NR3C2: variants seen among roughly 807,000 people sequenced by gnomAD.
The protein encoded by NR3C2 is mineralocorticoid receptor.
Under a neutral mutation model 86.4 loss-of-function variants are expected in NR3C2, and 15 were observed. The observed-to-expected ratio is 0.17, with a 90% CI of 0.12 to 0.27. NR3C2 has a LOEUF of 0.27. NR3C2 is among the 10% of genes least tolerant of loss of function. The probability of loss-of-function intolerance (pLI) is 1.00; values close to 1 mark genes in which losing one functional copy is unlikely to be tolerated. For missense variants in NR3C2, 960 were observed against 1,195.6 expected, an observed-to-expected ratio of 0.80 and a Z score of 2.91; for synonymous variants, 458 against 450.5, an observed-to-expected ratio of 1.02 and a Z score of -0.21.
upstream of NR3C2, chr4:148,442,830 C>T: frequency 1.0e-6 from 1 of 985,432 alleles, no homozygotes; most frequent in Non-Finnish European, 1.2e-6. Flanking sequence ...AACTTGCTTA[C>T]GTCCACCCTG....
chr4:148,301,637 G>T (rs1024957973), intron 2 of NR3C2, among the ~76,000 whole-genome samples: 2 of 152,160 alleles, frequency 1.3e-5, no homozygotes, highest in African/African-American at 4.8e-5. Flanking sequence ...GTTATAAAAG[G>T]TGTTTTGCTT....
intron 2 of NR3C2, among the ~76,000 whole-genome samples, chr4:148,376,780 CTAAA>C (rs1029467506): frequency 6.6e-6 from 1 of 151,976 alleles, no homozygotes; most frequent in Non-Finnish European, 1.5e-5. Context: ...TAAAAATAGA[CTAAA>C]TAACAGAAAA....
At chr4:148,306,107 G>A (rs1181027057) in intron 2 of NR3C2, among the ~76,000 whole-genome samples, 5 of 152,168 alleles carry the variant, frequency 3.3e-5, no homozygotes, top group Non-Finnish European at 7.4e-5. Flanking sequence ...TTTAAGACAT[G>A]TTTTCACAAA....
chr4:148,082,929 T>C (rs1578861558), intron 8 of NR3C2, among the ~76,000 whole-genome samples: 1 of 151,600 alleles, frequency 6.6e-6, no homozygotes, highest in African/African-American at 2.4e-5. Flanking sequence ...GAGTAGGCGG[T>C]TTTGCCCTCC....
intron 6 of NR3C2, among the ~76,000 whole-genome samples, chr4:148,129,351 A>G (rs1732909097): frequency 6.6e-6 from 1 of 152,208 alleles, no homozygotes; most frequent in Non-Finnish European, 1.5e-5. Context: ...AACGGTGGTT[A>G]CCAGGGGCTG....
At chr4:148,140,242 C>T (rs888176820) in intron 6 of NR3C2, among the ~76,000 whole-genome samples, 1 of 152,238 alleles carries the variant, frequency 6.6e-6, no homozygotes. Context: ...TGGTGTCTCA[C>T]ACCTGTAAAC....
At chr4:148,242,034 G>A (rs1739076410) in intron 3 of NR3C2, among the ~76,000 whole-genome samples, 1 of 152,134 alleles carries the variant, frequency 6.6e-6, no homozygotes, top group Admixed American at 6.6e-5. Context: ...GCATGACAGG[G>A]GCTGGGGGGA....
At chr4:148,168,846 G>GT (rs1460581331) in intron 4 of NR3C2, among the ~76,000 whole-genome samples, 1 of 152,176 alleles carries the variant, frequency 6.6e-6, no homozygotes, top group Non-Finnish European at 1.5e-5. Flanking sequence ...TAGCCAGTGA[G>GT]TTGTCTTACC....
At chr4:148,261,777 T>G (rs1740135660) in intron 2 of NR3C2, among the ~76,000 whole-genome samples, 1 of 152,138 alleles carries the variant, frequency 6.6e-6, no homozygotes, top group African/African-American at 2.4e-5. Flanking sequence ...TATGTTACAG[T>G]GAAGATTTAT....
intron 2 of NR3C2, among the ~76,000 whole-genome samples, chr4:148,278,888 C>T (rs62332043): frequency 6.6e-6 from 1 of 151,228 alleles, no homozygotes; most frequent in Admixed American, 6.6e-5. Context: ...AGTGGCTGGG[C>T]ATGGTGGCTC....
At chr4:148,441,493 T>G (rs1323011005) in intron 1 of NR3C2, among the ~76,000 whole-genome samples, 2 of 152,222 alleles carry the variant, frequency 1.3e-5, no homozygotes, top group African/African-American at 4.8e-5. Flanking sequence ...AATAAATAAT[T>G]AAAACTGATG....
chr4:148,244,551 C>G (rs748945741), intron 3 of NR3C2, among the ~76,000 whole-genome samples: 2 of 152,076 alleles, frequency 1.3e-5, no homozygotes, highest in East Asian at 3.9e-4. Flanking sequence ...TGCATAAATA[C>G]GACTGTGCAT....
intron 8 of NR3C2, among the ~76,000 whole-genome samples, chr4:148,100,316 C>T (rs1014586500): frequency 6.6e-6 from 1 of 151,972 alleles, no homozygotes. Context: ...AAAATATTTG[C>T]AAATCATAGA....
At chr4:148,245,122 C>G (rs186696841) in intron 3 of NR3C2, among the ~76,000 whole-genome samples, 1 of 152,152 alleles carries the variant, frequency 6.6e-6, no homozygotes, top group African/African-American at 2.4e-5. Context: ...ATTTTATATA[C>G]TATTTCATCA....
intron 3 of NR3C2, among the ~76,000 whole-genome samples, chr4:148,251,532 C>A (rs1316750835): frequency 6.6e-6 from 1 of 152,140 alleles, no homozygotes; most frequent in African/African-American, 2.4e-5. Context: ...GAGCAGACAT[C>A]AAAGAGCTGG....
rs1345102281 is a variant in NR3C2, at chr4:148,136,073, AAAAC to A, written c.2511-15789_2511-15786del. On this transcript the variant is annotated intron_variant, in intron 6 of 8. Coordinates refer to ENST00000358102, the MANE Select transcript of NR3C2 (RefSeq NM_000901.5). ...CTCCGTCTCAAAAAAAAAAAAAAAA[AAAAC>A]AAAAAAAAAAAACACCACCAAAACC... Among the ~76,000 whole-genome samples the A allele has an allele frequency of 7.5e-3, 344 of 45,792 alleles. 26 individuals are homozygous for A. Among genetic ancestry groups the A allele is most frequent in the African/African-American group, 0.016 (328 of 19,980 alleles). 30.0% of individuals were successfully genotyped at this position (45,792 alleles called of 152,430 possible). A position where few individuals can be genotyped will look rare whatever the true frequency, so the allele number is the denominator to read the frequency against.
rs983978627 is a variant in NR3C2, at chr4:148,170,661, A to T, written c.2015-15760T>A. On this transcript the variant is annotated intron_variant, in intron 4 of 8. Transcript: ENST00000358102. ...CACTTCCTACCCCCATGCTTTATAG[A>T]TGGGTGAATTCTATAAAAATATTCC... is the stretch of plus-strand genomic sequence containing the variant. Among the ~76,000 whole-genome samples, 8 of 152,304 alleles carry T rather than the reference A, an allele frequency of 5.3e-5. No homozygotes were observed. The South Asian group carries it at 6.2e-4, about 12-fold the overall frequency.
At chr4:148,347,818 C>T (rs1308623422) in intron 2 of NR3C2, among the ~76,000 whole-genome samples, 6 of 152,050 alleles carry the variant, frequency 3.9e-5, no homozygotes, top group African/African-American at 1.2e-4. Context: ...ACCACCACTG[C>T]ACCACTGTAG....
At chr4:148,148,479 A>G (rs1733967409) in intron 6 of NR3C2, among the ~76,000 whole-genome samples, 1 of 152,104 alleles carries the variant, frequency 6.6e-6, no homozygotes, top group Non-Finnish European at 1.5e-5. Context: ...TGGCTTTTCC[A>G]CTGCTCTTAA....
Sources: gnomAD v4.1 joint callset for allele counts (sites outside exome capture counted in the v4.1 genomes callset) on GRCh38, gnomAD v4.1.1 for gene constraint, MANE v1.5 for transcripts, NCBI Gene and HGNC (gene_info 2026-07-23, HGNC 2026-07-21) for gene names.